Variants in SEMA5A observed in about 807,000 individuals in gnomAD.
SEMA5A encodes the protein semaphorin 5A.
SEMA5A carries 55 observed loss-of-function variants against 135.5 expected under a neutral mutation model. The observed-to-expected ratio is 0.41, with a 90% confidence interval of 0.33 to 0.51. The LOEUF is 0.51. Ranked by LOEUF, SEMA5A falls within the 20% of genes least tolerant of loss-of-function variation. The pLI, the probability that SEMA5A is intolerant of heterozygous loss-of-function variation, is 0.37. For missense variants in SEMA5A, 1,290 were observed against 1,419.9 expected, an observed-to-expected ratio of 0.91 and a Z score of 1.47; for synonymous variants, 580 against 546.5, an observed-to-expected ratio of 1.06 and a Z score of -0.85.
chr5:9,479,781 G>A (rs1249119233), intron 1 of SEMA5A, among the ~76,000 whole-genome samples: 6 of 152,114 alleles, frequency 3.9e-5, no homozygotes, highest in African/African-American at 1.4e-4. Context: ...AGGCACCTTG[G>A]GCTGGCAGGT....
chr5:9,262,917 A>T lies in SEMA5A; in HGVS notation c.271-25027T>A, dbSNP rs1322422340. ...ATAATAAAAAAAAAAAATTAAAAAA[A>T]AAAAGAAAATATATTTCTTATAAAA... On this transcript the variant is annotated intron_variant, in intron 5 of 22. Transcript: ENST00000382496. Among the ~76,000 whole-genome samples, 5 of 149,416 alleles carry T rather than the reference A, an allele frequency of 3.3e-5. 1 individual carries two copies. In the East Asian group the frequency reaches 9.7e-4, roughly 29 times the overall value.
intron 1 of SEMA5A, among the ~76,000 whole-genome samples, chr5:9,487,189 A>G (rs1348431583): frequency 6.6e-6 from 1 of 152,228 alleles, no homozygotes; most frequent in Non-Finnish European, 1.5e-5. Context: ...CAAAAAATTA[A>G]TAACAATCTG....
chr5:9,356,866 T>C (rs540593805), intron 3 of SEMA5A, among the ~76,000 whole-genome samples: 2 of 152,314 alleles, frequency 1.3e-5, no homozygotes, highest in African/African-American at 4.8e-5. Context: ...GATTCCACCG[T>C]GTTGCTAGCT....
chr5:9,319,173 C>A (rs2150670205), intron 4 of SEMA5A, among the ~76,000 whole-genome samples: 1 of 152,108 alleles, frequency 6.6e-6, no homozygotes, highest in Non-Finnish European at 1.5e-5. Flanking sequence ...CACTGCAGTT[C>A]AGCCAGGGTG....
intron 11 of SEMA5A, among the ~76,000 whole-genome samples, chr5:9,165,633 C>G (rs748433956): frequency 6.6e-6 from 1 of 152,116 alleles, no homozygotes; most frequent in Non-Finnish European, 1.5e-5. Flanking sequence ...GATTCTCTGC[C>G]GCTATGTCCA....
chr5:9,490,567 T>C (rs1391871482), intron 1 of SEMA5A, among the ~76,000 whole-genome samples: 1 of 152,196 alleles, frequency 6.6e-6, no homozygotes, highest in African/African-American at 2.4e-5. Context: ...AATGTATTCC[T>C]CTTTCAGGGC....
Position 9,150,828 on chromosome 5 carries a change from A to G in SEMA5A, c.1481+3660T>C, listed in dbSNP as rs150336182. On this transcript the variant is annotated intron_variant, in intron 12 of 22. Transcript: ENST00000382496. ...ACGGGAAGGGGGTTGAGCCTCTCTC[A>G]GAAGACCTGGCTTCTGCCTGTCTGG... Among the ~76,000 whole-genome samples the G allele has an allele frequency of 5.3e-3, 814 of 152,336 alleles. 1 individual carries two copies. Among genetic ancestry groups the G allele is most frequent in the Middle Eastern group, 0.01 (3 of 294 alleles).
intron 1 of SEMA5A, among the ~76,000 whole-genome samples, chr5:9,525,721 A>G (rs940478917): frequency 1.3e-5 from 2 of 152,250 alleles, no homozygotes; most frequent in African/African-American, 4.8e-5. Flanking sequence ...ATGAAGTAGA[A>G]CTAGAATGAG....
At chr5:9,174,850 T>C (rs138614343) in intron 11 of SEMA5A, among the ~76,000 whole-genome samples, 154 of 152,292 alleles carry the variant, frequency 1.0e-3, no homozygotes, top group African/African-American at 3.6e-3. Flanking sequence ...GTGCCCTTCA[T>C]GTTAGACTAC....
At chr5:9,460,745 T>A (rs1354091445) in intron 1 of SEMA5A, among the ~76,000 whole-genome samples, 1 of 152,162 alleles carries the variant, frequency 6.6e-6, no homozygotes, top group African/African-American at 2.4e-5. Context: ...CTTCTAAAAT[T>A]AATTATCCTT....
Position 9,204,038 on chromosome 5 carries a change from G to A in SEMA5A, c.647-1798C>T, listed in dbSNP as rs1269434859. ...CTCCAAAACAGAATTACCTGATGAA[G>A]CAGGCCCCAAAAGCAAAGATACGGA... On this transcript the variant is annotated intron_variant, in intron 8 of 22. Transcript: ENST00000382496. This position sits in a 1 kb window ranked among gnomAD's most constrained non-coding sequence, Gnocchi z 6.4. 6.6e-6 allele frequency among the ~76,000 whole-genome samples: 1 copy of A among 152,074 alleles called. No individual in the cohort carries two copies. Among genetic ancestry groups the A allele is most frequent in the Non-Finnish European group, 1.5e-5 (1 of 68,022 alleles).
Position 9,497,561 on chromosome 5 carries a change from CTG to C in SEMA5A, c.-175+48021_-175+48022del, listed in dbSNP as rs1201411924. ...CTCTGGCGCAGGCACTTGATAAAGACTGTGTTTGCAAATACTTAGCCTGCACT... is the reference window on the plus strand; with the variant it reads ...CTCTGGCGCAGGCACTTGATAAAGACTGTTTGCAAATACTTAGCCTGCACT... On this transcript the variant is annotated intron_variant, in intron 1 of 22. Coordinates refer to ENST00000382496, the MANE Select transcript of SEMA5A (RefSeq NM_003966.3). Among the ~76,000 whole-genome samples, 7 of 152,308 alleles carry C rather than the reference CTG, an allele frequency of 4.6e-5. No individual in the cohort carries two copies. In the South Asian group the frequency reaches 1.4e-3, roughly 32 times the overall value.
At chr5:9,466,319 T>A (rs1486067952) in intron 1 of SEMA5A, among the ~76,000 whole-genome samples, 1 of 150,794 alleles carries the variant, frequency 6.6e-6, no homozygotes, top group Non-Finnish European at 1.5e-5. Context: ...TGTATACATA[T>A]GTAACAAACC....
Position 9,054,259 on chromosome 5 carries a change from T to C in SEMA5A, c.2519-2A>G. On this transcript the variant is annotated splice_acceptor_variant, in intron 18 of 22. Transcript: ENST00000382496. LOFTEE classifies it high-confidence loss of function. Reference sequence around the variant, plus strand: ...ACCAGCAAGACCACACGCCATCCACTGTGAAGAAACACAATGTCACAGCTC... The same window carrying C: ...ACCAGCAAGACCACACGCCATCCACCGTGAAGAAACACAATGTCACAGCTC... The C allele has an allele frequency of 1.2e-6, 2 of 1,611,654 alleles. No individual in the cohort carries two copies. Among genetic ancestry groups the C allele is most frequent in the Non-Finnish European group, 1.7e-6 (2 of 1,179,016 alleles).
At chr5:9,341,421 T>G (rs1165034989) in intron 3 of SEMA5A, among the ~76,000 whole-genome samples, 4 of 151,196 alleles carry the variant, frequency 2.6e-5, no homozygotes, top group Non-Finnish European at 5.9e-5. Context: ...TCTAAAAGAG[T>G]TCAGGGCAAT....
rs1441600032 is a variant in SEMA5A at position 9,044,389 on chromosome 5, G to A, written c.3089C>T (p.Ser1030Leu). ...TTCACTTACCTTGATGGCCTCCACC[G>A]AGTCGTACTTGTCCAGTTTGTTGAT... ...NHINKLDKYD[S>L]VEAIKAFNKN... The change falls in exon 22 of 23, where the codon TCG (serine) becomes TTG (leucine). Residue 1030 changes from serine (S) to leucine (L), a missense_variant. Transcript: ENST00000382496. The A allele has an allele frequency of 5.0e-6, 8 of 1,613,120 alleles. No homozygotes were observed. Among genetic ancestry groups the A allele is most frequent in the Admixed American group, 1.7e-5 (1 of 59,992 alleles).
At position 9,450,240 on chromosome 5, in the gene SEMA5A, C is replaced by T. The variant is rs1203380347; in HGVS notation, c.-174-12388G>A. 5.3e-5 allele frequency among the ~76,000 whole-genome samples: 8 copies of T among 152,248 alleles called. No homozygotes were observed. The South Asian group carries it at 6.2e-4, about 12-fold the overall frequency. On this transcript the variant is annotated intron_variant, in intron 1 of 22. Transcript: ENST00000382496. The stretch of plus-strand genomic sequence containing the variant: ...CATGAACACAGTCAAGTGGGGAGAA[C>T]GAGGCCAACCCGGTGGCCAATAGGG...
chr5:9,501,539 A>G (rs1006765449), intron 1 of SEMA5A, among the ~76,000 whole-genome samples: 3 of 152,200 alleles, frequency 2.0e-5, no homozygotes, highest in Admixed American at 6.5e-5. Context: ...TCAGCAATGG[A>G]GGAGTTCAGA....
intron 16 of SEMA5A, among the ~76,000 whole-genome samples, chr5:9,085,982 C>T (rs1047915802): frequency 6.6e-6 from 1 of 152,172 alleles, no homozygotes; most frequent in Admixed American, 6.5e-5. Context: ...CATTTTGGAG[C>T]TTTAAGATTT....
Sources: allele counts gnomAD v4.1 joint callset (sites outside exome capture counted in the v4.1 genomes callset), GRCh38; gene constraint gnomAD v4.1.1; non-coding constraint Gnocchi (gnomAD v3.1); transcripts MANE v1.5; gene names NCBI Gene and HGNC (gene_info 2026-07-23, HGNC 2026-07-21).